EPHB2: variants seen among roughly 807,000 people sequenced by gnomAD.
The protein encoded by EPHB2 is EPH receptor B2, also known as ephrin type-B receptor 2.
Under a neutral mutation model 96.4 loss-of-function variants are expected in EPHB2, and 18 were observed. The observed-to-expected ratio is 0.19, with a 90% confidence interval of 0.13 to 0.28. The LOEUF (loss-of-function observed/expected upper bound fraction) is 0.28. Ranked by LOEUF, EPHB2 falls within the 10% of genes least tolerant of loss-of-function variation. The pLI, the probability that EPHB2 is intolerant of heterozygous loss-of-function variation, is 1.00. For missense variants in EPHB2, 989 were observed against 1,355.4 expected (o/e 0.73, Z 4.25); for synonymous variants, 506 against 534.1 (o/e 0.95, Z 0.72).
At chr1:22,887,885 A>C (rs1231544542) in intron 6 of EPHB2, among the ~76,000 whole-genome samples, 1 of 152,114 alleles carries the variant, frequency 6.6e-6, no homozygotes, top group Non-Finnish European at 1.5e-5. Context: ...GAAACTATGA[A>C]AGTTCAGGCC....
chr1:22,776,177 G>T (rs1644448892), intron 1 of EPHB2, among the ~76,000 whole-genome samples: 1 of 152,144 alleles, frequency 6.6e-6, no homozygotes, highest in Non-Finnish European at 1.5e-5. Flanking sequence ...GCCAGCGCTT[G>T]ATTCCCACAA....
At chr1:22,828,395 C>T (rs368619069) in intron 3 of EPHB2, among the ~76,000 whole-genome samples, 237 of 152,304 alleles carry the variant, frequency 1.6e-3, no homozygotes, top group African/African-American at 5.2e-3. Flanking sequence ...CCAGCCCAGC[C>T]GTGCCCACCC....
rs765328934 is a variant in EPHB2, at chr1:22,784,157, G to A, written c.127-235G>A. On this transcript the variant is annotated intron_variant, in intron 2 of 15. Coordinates refer to ENST00000374630, the MANE Select transcript of EPHB2 (RefSeq NM_017449.5). This position sits in a 1 kb window ranked among gnomAD's most constrained non-coding sequence, Gnocchi z 5.1. ...TCCCTGTCTCCTTTATCAGATTAGTGTACCCCTGACAGTAAGGGCAATGTC... is the reference window on the plus strand; with the variant it reads ...TCCCTGTCTCCTTTATCAGATTAGTATACCCCTGACAGTAAGGGCAATGTC... Among the ~76,000 whole-genome samples, 11 of 152,134 alleles carry A rather than the reference G, an allele frequency of 7.2e-5. No individual in the cohort carries two copies. The highest frequency in any genetic ancestry group is 1.2e-4 in the Non-Finnish European group (8 of 68,020).
intron 3 of EPHB2, among the ~76,000 whole-genome samples, chr1:22,815,763 G>T (rs1251335360): frequency 1.3e-5 from 2 of 152,214 alleles, no homozygotes; most frequent in Non-Finnish European, 2.9e-5. Context: ...TTCCAGAGTG[G>T]TTTGCAGGCC....
chr1:22,882,638 C>T (rs1487675422), intron 6 of EPHB2, 155 bp downstream of exon 6: 6 of 1,167,400 alleles, frequency 5.1e-6, no homozygotes, highest in Non-Finnish European at 4.8e-6. Context: ...GCTCCCAATC[C>T]AGCTCCGCTC....
intron 3 of EPHB2, among the ~76,000 whole-genome samples, chr1:22,830,223 C>T (rs1159470225): frequency 6.6e-6 from 1 of 152,180 alleles, no homozygotes; most frequent in African/African-American, 2.4e-5. Context: ...GCTGGCTGCC[C>T]AGCCTTTGTC....
intron 3 of EPHB2, among the ~76,000 whole-genome samples, chr1:22,801,576 G>T (rs1411888045): frequency 1.3e-5 from 2 of 152,090 alleles, no homozygotes; most frequent in Non-Finnish European, 1.5e-5. Flanking sequence ...CCAGCAAGCA[G>T]GAGTGAGAGG....
chr1:22,714,329 A>C (rs1643238408), intron 1 of EPHB2, among the ~76,000 whole-genome samples: 1 of 152,186 alleles, frequency 6.6e-6, no homozygotes. Flanking sequence ...CCTGCTATGA[A>C]ACTTTCTTAG....
At chr1:22,799,325 C>CACAAGCAGG (rs543382445) in intron 3 of EPHB2, among the ~76,000 whole-genome samples, 7 of 152,222 alleles carry the variant, frequency 4.6e-5, no homozygotes, top group Admixed American at 3.9e-4. Context: ...TCCAGACACC[C>CACAAGCAGG]ACAAGCAGGA....
rs1645743629 is a variant in EPHB2 at position 22,858,718 on chromosome 1, G to A, written c.812-4319G>A. 6.6e-6 allele frequency among the ~76,000 whole-genome samples: 1 copy of A among 152,170 alleles called. No individual in the cohort carries two copies. The highest frequency in any genetic ancestry group is 1.9e-4 in the East Asian group (1 of 5,196). On this transcript the variant is annotated intron_variant, in intron 3 of 15. Transcript: ENST00000374630. The surrounding 1 kb of genome is among the most constrained non-coding windows in gnomAD (Gnocchi z 7.7). ...CCCAGACCTCTCAGAGGTAGCTGAT[G>A]GGAGCTGAGGCCCCAGTGCACCCCA...
chr1:22,901,839 G>A (rs148003708), intron 9 of EPHB2, among the ~76,000 whole-genome samples: 2 of 151,928 alleles, frequency 1.3e-5, no homozygotes, highest in African/African-American at 4.8e-5. Flanking sequence ...GTGTGTGTGT[G>A]TGTGTGTAAC....
chr1:22,800,653 G>T (rs544735320), intron 3 of EPHB2, among the ~76,000 whole-genome samples: 2 of 152,184 alleles, frequency 1.3e-5, no homozygotes, highest in Non-Finnish European at 2.9e-5. Flanking sequence ...CCAGATGTAC[G>T]TGAAAATGGG....
intron 3 of EPHB2, among the ~76,000 whole-genome samples, chr1:22,841,443 C>T (rs1397226105): frequency 6.6e-6 from 1 of 152,114 alleles, no homozygotes; most frequent in Admixed American, 6.5e-5. Flanking sequence ...CCATGCTCAA[C>T]TCCAAGCCAG....
chr1:22,868,773 G>C (rs1638565382), intron 5 of EPHB2, among the ~76,000 whole-genome samples: 1 of 152,152 alleles, frequency 6.6e-6, no homozygotes, highest in Non-Finnish European at 1.5e-5. Context: ...TAAAGGATGT[G>C]GGTACCTAAT....
chr1:22,905,602 C>T (rs1168195678), intron 9 of EPHB2, among the ~76,000 whole-genome samples: 2 of 152,174 alleles, frequency 1.3e-5, no homozygotes, highest in African/African-American at 2.4e-5. Context: ...TTTTTGCCCC[C>T]TTCTTCGTTT....
intron 1 of EPHB2, among the ~76,000 whole-genome samples, chr1:22,775,012 G>T (rs1179108407): frequency 6.6e-6 from 1 of 152,186 alleles, no homozygotes; most frequent in African/African-American, 2.4e-5. Context: ...CAAGATTCTG[G>T]CCTGGGCAGT....
chr1:22,720,660 T>TCCGC (rs1215770523), intron 1 of EPHB2, among the ~76,000 whole-genome samples: 1 of 57,380 alleles, frequency 1.7e-5, no homozygotes, highest in Non-Finnish European at 3.4e-5. Context: ...GAAATCTCAT[T>TCCGC]CCCCCCCCCC....
At chr1:22,757,251 G>A (rs1333679287) in intron 1 of EPHB2, among the ~76,000 whole-genome samples, 4 of 152,032 alleles carry the variant, frequency 2.6e-5, no homozygotes, top group African/African-American at 7.3e-5. Flanking sequence ...CCTACCCTCC[G>A]AGAGACCCCA....
intron 1 of EPHB2, among the ~76,000 whole-genome samples, chr1:22,730,515 G>A (rs1643685358): frequency 6.6e-6 from 1 of 152,288 alleles, no homozygotes. Context: ...AAGTAGGGAT[G>A]GTGCTAAGAA....
Sources: gnomAD v4.1 joint callset for allele counts (sites outside exome capture counted in the v4.1 genomes callset) on GRCh38, gnomAD v4.1.1 for gene constraint, Gnocchi (gnomAD v3.1) non-coding constraint, MANE v1.5 for transcripts, NCBI Gene and HGNC (gene_info 2026-07-23, HGNC 2026-07-21) for gene names.